The following DHX40 variants were observed in gnomAD, a reference collection of about 807,000 sequenced individuals.
The protein encoded by DHX40 is probable ATP-dependent RNA helicase DHX40.
DHX40 carries 28 observed loss-of-function variants against 89.6 expected under a neutral mutation model. That is an observed-to-expected ratio of 0.31 (90% CI 0.23 to 0.43). DHX40 has a LOEUF of 0.43. DHX40 is among the 20% of genes least tolerant of loss of function. DHX40 has a pLI of 1.00. For synonymous variants in DHX40, 226 were observed against 283.6 expected (o/e 0.80, Z 2.04); for missense variants, 457 against 844.0 (o/e 0.54, Z 5.68).
intron 3 of DHX40, among the ~76,000 whole-genome samples, chr17:59,571,808 T>G (rs570938241): frequency 2.4e-3 from 365 of 152,220 alleles, no homozygotes; most frequent in Admixed American, 3.8e-3. Context: ...CCTGACCTTG[T>G]GATCTGCCCA....
intron 2 of DHX40, among the ~76,000 whole-genome samples, chr17:59,570,045 A>G (rs917894537): frequency 1.8e-5 from 2 of 113,512 alleles, no homozygotes; most frequent in Non-Finnish European, 3.2e-5. Flanking sequence ...ACTCTGTCTA[A>G]ATATATATAA....
intron 12 of DHX40, among the ~76,000 whole-genome samples, chr17:59,594,789 C>T (rs1453805942): frequency 8.6e-5 from 13 of 151,958 alleles, no homozygotes; most frequent in Non-Finnish European, 1.8e-4. Context: ...GAAAGGGTGC[C>T]GCTTTCAGGC....
chr17:59,577,090 C>T (rs777522063), intron 7 of DHX40, 176 bp from the exon 8 acceptor site: 16 of 645,172 alleles, frequency 2.5e-5, no homozygotes, highest in Middle Eastern at 2.5e-4. Context: ...AGGATGGTCT[C>T]GATATCCTGA....
At chr17:59,575,525 A>G (rs1337911635) in intron 7 of DHX40, 54 bp downstream of exon 7, 1 of 1,584,598 alleles carries the variant, frequency 6.3e-7, no homozygotes, top group Non-Finnish European at 8.6e-7. Flanking sequence ...TTTTTATTGA[A>G]TAATCGTGTT....
intron 2 of DHX40, among the ~76,000 whole-genome samples, chr17:59,570,182 A>G (rs1000801627): frequency 8.1e-6 from 1 of 123,038 alleles, no homozygotes; most frequent in African/African-American, 3.4e-5. Flanking sequence ...ATATTAATAT[A>G]TATAATATAT....
chr17:59,606,031 TTTTC>T (rs965638823), intron 17 of DHX40, among the ~76,000 whole-genome samples: 3 of 151,984 alleles, frequency 2.0e-5, no homozygotes, highest in African/African-American at 7.2e-5. Flanking sequence ...CCAAGGGGCT[TTTTC>T]TTTCTTTCTT....
chr17:59,607,337 C>T lies in DHX40; in HGVS notation c.*165C>T. On this transcript the variant is annotated 3_prime_UTR_variant, in exon 18 of 18. Transcript: ENST00000251241. ...CTCATAAATCAAAGCTCATCAGTTCCCATAAATGCAGTTGTCAAAGAAAAG... is the reference window on the plus strand; with the variant it reads ...CTCATAAATCAAAGCTCATCAGTTCTCATAAATGCAGTTGTCAAAGAAAAG... 1.4e-6 allele frequency: 2 copies of T among 1,380,828 alleles called. No individual in the cohort carries two copies. The allele number at this position is 1,380,828 out of a possible 1,614,324, so 85.5% of individuals were successfully genotyped here.
intron 1 of DHX40, among the ~76,000 whole-genome samples, chr17:59,566,197 G>GCT (rs2048702525): frequency 6.6e-6 from 1 of 152,086 alleles, no homozygotes; most frequent in South Asian, 2.1e-4. Flanking sequence ...GATATCAGTC[G>GCT]CTCTGAACAG....
At chr17:59,588,985 G>A (rs2049040856) in intron 12 of DHX40, among the ~76,000 whole-genome samples, 1 of 152,034 alleles carries the variant, frequency 6.6e-6, no homozygotes, top group Admixed American at 6.6e-5. Flanking sequence ...AATATCAGCT[G>A]ACTATTCTTA....
At chr17:59,580,993 A>G (rs1381357309) in intron 10 of DHX40, among the ~76,000 whole-genome samples, 2 of 149,958 alleles carry the variant, frequency 1.3e-5, no homozygotes, top group South Asian at 2.1e-4. Context: ...GAAGCACGAG[A>G]ATCACTTGAA....
intron 12 of DHX40, among the ~76,000 whole-genome samples, chr17:59,591,211 C>T (rs980047972): frequency 4.0e-5 from 6 of 150,808 alleles, no homozygotes; most frequent in Non-Finnish European, 5.9e-5. Flanking sequence ...GAGGCTGAGG[C>T]GGAGAATTGC....
intron 12 of DHX40, among the ~76,000 whole-genome samples, chr17:59,589,215 ATTT>A (rs1209554990): frequency 1.0e-4 from 9 of 89,348 alleles, no homozygotes; most frequent in African/African-American, 2.8e-4. Context: ...ACTTGCTGGG[ATTT>A]TTTTTTTTTT....
At position 59,567,932 on chromosome 17, in the gene DHX40, C is replaced by CA. The variant is rs1276414487; in HGVS notation, c.280+1151dup. 2.1e-3 allele frequency among the ~76,000 whole-genome samples: 207 copies of CA among 97,128 alleles called. 1 individual carries two copies. Among genetic ancestry groups the CA allele is most frequent in the South Asian group, 0.02 (64 of 3,270 alleles). 63.7% of individuals were successfully genotyped at this position (97,128 alleles called of 152,430 possible). The stretch of plus-strand genomic sequence containing the variant: ...GGGAGACAGAGTGAGACTCCGTCTC[C>CA]AAAAAAAAAAAAATTTTTTAGGCCG... On this transcript the variant is annotated intron_variant, in intron 2 of 17. Transcript: ENST00000251241.
chr17:59,573,617 C>G (rs2143226409), intron 4 of DHX40, 123 bp from the exon 5 acceptor site: 1 of 1,136,168 alleles, frequency 8.8e-7, no homozygotes, highest in East Asian at 2.6e-5. Flanking sequence ...GCCACTGCAC[C>G]TGGCTCCTAC....
intron 12 of DHX40, among the ~76,000 whole-genome samples, chr17:59,595,171 C>T (rs2029949290): frequency 6.6e-6 from 1 of 151,950 alleles, no homozygotes; most frequent in African/African-American, 2.4e-5. Context: ...ACAACCTCTA[C>T]CTCCCAGGTT....
chr17:59,566,531 C>G (rs1249830107), intron 1 of DHX40, 96 bp from the exon 2 acceptor site: 17 of 1,266,588 alleles, frequency 1.3e-5, no homozygotes, highest in Non-Finnish European at 1.8e-5. Flanking sequence ...CCGTCCAGCC[C>G]TAAAATTCTA....
At chr17:59,605,273 G>A (rs2030772457) in intron 16 of DHX40, 89 bp downstream of exon 16, 12 of 1,405,730 alleles carry the variant, frequency 8.5e-6, no homozygotes, top group South Asian at 1.2e-5. Context: ...TCACTTTGGA[G>A]TTAAATTTAC....
At chr17:59,603,625 T>C (rs1442917139) in intron 15 of DHX40, 1 of 152,200 alleles carries the variant, frequency 6.6e-6, no homozygotes, top group Non-Finnish European at 1.5e-5. Context: ...TAATAAAATG[T>C]GAAATCGTGT....
chr17:59,566,188 A>G (rs1295880235), intron 1 of DHX40, among the ~76,000 whole-genome samples: 1 of 152,106 alleles, frequency 6.6e-6, no homozygotes, highest in Non-Finnish European at 1.5e-5. Flanking sequence ...GCCTTCTGGG[A>G]TATCAGTCGC....
Sources: gnomAD v4.1 joint callset for allele counts (sites outside exome capture counted in the v4.1 genomes callset) on GRCh38, gnomAD v4.1.1 for gene constraint, MANE v1.5 for transcripts, NCBI Gene and HGNC (gene_info 2026-07-23, HGNC 2026-07-21) for gene names.